The following ODR4 variants were observed in gnomAD, a reference collection of about 807,000 sequenced individuals.
ODR4 encodes the protein odr-4 GPCR localization factor homolog, also known as protein odr-4 homolog.
Under a neutral mutation model 60.2 loss-of-function variants are expected in ODR4, and 47 were observed. The observed-to-expected ratio is 0.78, with a 90% CI of 0.62 to 1.00. ODR4 has a LOEUF of 1.00. ODR4 is among the 50% of genes least tolerant of loss of function. The probability of loss-of-function intolerance (pLI) is 0.00; values close to 1 mark genes in which losing one functional copy is unlikely to be tolerated. For synonymous variants in ODR4, 178 were observed against 175.5 expected, an observed-to-expected ratio of 1.01 and a Z score of -0.11; for missense variants, 488 against 530.8, an observed-to-expected ratio of 0.92 and a Z score of 0.79.
chr1:186,422,450 T>A (rs2102108085), downstream of ODR4, among the ~76,000 whole-genome samples: 1 of 152,316 alleles, frequency 6.6e-6, no homozygotes, highest in South Asian at 2.1e-4. Context: ...ACTGATTCAA[T>A]AAACATTTAG....
chr1:186,379,797 C>A lies in ODR4; in HGVS notation c.12C>A (p.Thr4=). 1 of 1,588,796 alleles carries A rather than the reference C, an allele frequency of 6.3e-7. No homozygotes were observed. The highest frequency in any genetic ancestry group is 1.2e-5 in the South Asian group (1 of 85,986). Residue 4 remains threonine (T), a synonymous_variant, in exon 2 of 14, where the codon ACC becomes ACA. Coordinates refer to ENST00000287859, the MANE Select transcript of ODR4 (RefSeq NM_017847.6). ...TTTAGTTCCTAAAAATGGGAAGAAC[C>A]TACATTGTAGAAGAGACTGTTGGCC... is the stretch of plus-strand genomic sequence containing the variant. MGR[T]YIVEETVGQY...
intron 5 of ODR4, among the ~76,000 whole-genome samples, chr1:186,389,371 G>C (rs769503783): frequency 2.6e-5 from 4 of 151,970 alleles, no homozygotes; most frequent in African/African-American, 4.8e-5. Context: ...TTCAAGCACC[G>C]CAAGTACTAT....
At chr1:186,400,616 A>T (rs1219379431) in intron 11 of ODR4, 1 of 165,288 alleles carries the variant, frequency 6.1e-6, no homozygotes, top group Non-Finnish European at 1.3e-5. Flanking sequence ...TTATGTTCAT[A>T]GGAAAAAAAG....
downstream of ODR4, among the ~76,000 whole-genome samples, chr1:186,425,437 A>G (rs761874624): frequency 1.4e-4 from 22 of 152,136 alleles, no homozygotes; most frequent in Non-Finnish European, 2.5e-4. Flanking sequence ...ATGTATGTCA[A>G]TTAGGGCCTA....
chr1:186,402,187 A>ATTCTTTCTTCCTTTCTTTCT (rs1381181574), intron 11 of ODR4, among the ~76,000 whole-genome samples: 2 of 135,424 alleles, frequency 1.5e-5, no homozygotes, highest in Non-Finnish European at 3.1e-5. Context: ...TAGGCATCCT[A>ATTCTTTCTTCCTTTCTTTCT]TTCTTTCTTT....
intron 12 of ODR4, among the ~76,000 whole-genome samples, chr1:186,412,321 G>A (rs998047721): frequency 1.3e-5 from 2 of 152,126 alleles, no homozygotes; most frequent in Admixed American, 6.5e-5. Context: ...AGAACTCTTA[G>A]CAGAGGCACT....
intron 12 of ODR4, among the ~76,000 whole-genome samples, chr1:186,414,511 A>C (rs1316916168): frequency 6.6e-6 from 1 of 151,822 alleles, no homozygotes; most frequent in African/African-American, 2.4e-5. Context: ...ATATGGGGGA[A>C]AAAAACAAAA....
the ODR4 span, among the ~76,000 whole-genome samples, chr1:186,433,255 AAT>A: frequency 6.6e-6 from 1 of 151,826 alleles, no homozygotes; most frequent in Non-Finnish European, 1.5e-5. Flanking sequence ...CTTCTTTTGT[AAT>A]TTATGTTTTT....
intron 1 of ODR4, among the ~76,000 whole-genome samples, chr1:186,376,709 A>G (rs943263733): frequency 6.6e-6 from 1 of 152,238 alleles, no homozygotes; most frequent in African/African-American, 2.4e-5. Context: ...TAAGCATTGT[A>G]ATTAAAGTTG....
At chr1:186,422,956 A>G (rs1661819849), downstream of ODR4, among the ~76,000 whole-genome samples, 1 of 152,226 alleles carries the variant, frequency 6.6e-6, no homozygotes, top group South Asian at 2.1e-4. Context: ...AAAGGGGTCC[A>G]AATCCATTGA....
the ODR4 span, among the ~76,000 whole-genome samples, chr1:186,432,828 C>T: frequency 6.7e-3 from 1,024 of 151,806 alleles, 15 homozygotes; most frequent in African/African-American, 0.022. Flanking sequence ...CTCTGTCACC[C>T]AGGCTAGAGT....
intron 9 of ODR4, among the ~76,000 whole-genome samples, chr1:186,396,380 A>G (rs1250832724): frequency 2.6e-5 from 4 of 152,160 alleles, no homozygotes; most frequent in Non-Finnish European, 5.9e-5. Context: ...AGGCCTAGGC[A>G]GGGTGATCGC....
chr1:186,381,892 C>A (rs896380206), intron 2 of ODR4, among the ~76,000 whole-genome samples: 7 of 152,122 alleles, frequency 4.6e-5, no homozygotes, highest in Non-Finnish European at 1.0e-4. Flanking sequence ...CTGAAAATAA[C>A]CTGTAGGAAT....
intron 11 of ODR4, among the ~76,000 whole-genome samples, chr1:186,404,932 A>G (rs570913471): frequency 2.3e-4 from 35 of 152,232 alleles, no homozygotes; most frequent in Non-Finnish European, 4.3e-4. Context: ...TCTTTCTGAT[A>G]GTTCATAAGG....
chr1:186,398,309 T>A lies in ODR4; in HGVS notation c.781-4T>A. The A allele has an allele frequency of 3.2e-6, 5 of 1,577,018 alleles. No individual in the cohort carries two copies. Among genetic ancestry groups the A allele is most frequent in the Non-Finnish European group, 4.3e-6 (5 of 1,162,720 alleles). ...TTAGAACTTAAACAGATTTTGTCTT[T>A]CAGCTCCTGAATTCAGACCACAGAT... On this transcript the variant is annotated splice_region_variant and splice_polypyrimidine_tract_variant and intron_variant, in intron 9 of 13. Transcript: ENST00000287859.
rs1661177058 is a variant in ODR4, at chr1:186,406,411, T to A, written c.1186+143T>A. The A allele has an allele frequency of 7.5e-6, 4 of 535,268 alleles. No homozygotes were observed. The African/African-American group carries it at 7.8e-5, about 10-fold the overall frequency. 33.2% of individuals were successfully genotyped at this position (535,268 alleles called of 1,614,324 possible). ...CTTCGAAATATTAACTGAGACATTT[T>A]AAAATACATGTTTAATTTCTACATG... On this transcript the variant is annotated intron_variant, in intron 12 of 13. Coordinates refer to ENST00000287859, the MANE Select transcript of ODR4 (RefSeq NM_017847.6).
At position 186,420,765 on chromosome 1, in the gene ODR4, C is replaced by G. The variant is rs932955569; in HGVS notation, c.*1689C>G. On this transcript the variant is annotated 3_prime_UTR_variant, in exon 14 of 14. Coordinates refer to ENST00000287859, the MANE Select transcript of ODR4 (RefSeq NM_017847.6). ...AAAACATTGGAAAGTTAAGAGAGTT[C>G]GAGGGAAGAATTATAAAGACTAGGA... The G allele has an allele frequency of 1.3e-5, 2 of 151,550 alleles. 1 individual carries two copies. The highest frequency in any genetic ancestry group is 2.9e-5 in the Non-Finnish European group (2 of 67,932). The allele number at this position is 151,550 out of a possible 1,614,324, so 9.4% of individuals were successfully genotyped here.
Position 186,419,115 on chromosome 1 carries a change from T to C in ODR4, c.*39T>C, listed in dbSNP as rs746038366. ...GAGTTTCTTGATCATCCAGAGAACA[T>C]TGACAGACAATTATGAATAATAAAG... On this transcript the variant is annotated 3_prime_UTR_variant, in exon 14 of 14. Transcript: ENST00000287859. 2 of 1,505,146 alleles carry C rather than the reference T, an allele frequency of 1.3e-6. No homozygotes were observed. Among genetic ancestry groups the C allele is most frequent in the Non-Finnish European group, 1.8e-6 (2 of 1,088,938 alleles). 93.2% of individuals were successfully genotyped at this position (1,505,146 alleles called of 1,614,324 possible). A position where few individuals can be genotyped will look rare whatever the true frequency, so the allele number is the denominator to read the frequency against.
the ODR4 span, among the ~76,000 whole-genome samples, chr1:186,434,978 G>A: frequency 6.6e-6 from 1 of 152,052 alleles, no homozygotes; most frequent in Non-Finnish European, 1.5e-5. Flanking sequence ...GGGAGTGAAC[G>A]CTCTAAGAAA....
Sources: gnomAD v4.1 joint callset for allele counts (sites outside exome capture counted in the v4.1 genomes callset) on GRCh38, gnomAD v4.1.1 for gene constraint, MANE v1.5 for transcripts, NCBI Gene and HGNC (gene_info 2026-07-23, HGNC 2026-07-21) for gene names.